The following DDX11 variants were observed in gnomAD, a reference collection of about 807,000 sequenced individuals.
DDX11 encodes the protein DEAD/H-box helicase 11, also known as ATP-dependent DNA helicase DDX11.
A neutral mutation model predicts 125.2 loss-of-function variants in DDX11; 72 were observed. The ratio of observed to expected loss-of-function variants is 0.58; its 90% CI spans 0.48 to 0.70. The LOEUF is 0.70. Ranked by LOEUF, DDX11 falls within the 30% of genes least tolerant of loss-of-function variation. The pLI is 0.00. For synonymous variants in DDX11, 347 were observed against 452.6 expected, an observed-to-expected ratio of 0.77 and a Z score of 2.96; for missense variants, 883 against 1,165.0, an observed-to-expected ratio of 0.76 and a Z score of 3.52.
At chr12:31,094,325 G>A (rs552338746) in intron 12 of DDX11, 7 of 463,880 alleles carry the variant, frequency 1.5e-5, no homozygotes, top group East Asian at 9.1e-5. Context: ...GCTGTGTCCC[G>A]GCCTCCTGGA....
At chr12:31,094,069 C>G (rs1944772595) in intron 12 of DDX11, among the ~76,000 whole-genome samples, 1 of 152,036 alleles carries the variant, frequency 6.6e-6, no homozygotes, top group Admixed American at 6.5e-5. Context: ...GCACGGGAGC[C>G]TGGGATCTTC....
intron 1 of DDX11, among the ~76,000 whole-genome samples, chr12:31,076,019 C>T (rs1940656116): frequency 6.6e-6 from 1 of 152,068 alleles, no homozygotes; most frequent in Non-Finnish European, 1.5e-5. Context: ...GACTCCTTCT[C>T]CAGGCCAAGG....
chr12:31,094,357 T>C (rs1465632822), intron 12 of DDX11: 1 of 561,962 alleles, frequency 1.8e-6, no homozygotes, highest in African/African-American at 1.9e-5. Flanking sequence ...AAACATGAAC[T>C]TACAGGGCTT....
rs1218053914 is a variant in DDX11 at position 31,101,967 on chromosome 12, G to A, written c.2187G>A (p.Leu729=). Residue 729 remains leucine (L), a synonymous_variant, in exon 21 of 27, where the codon CTG becomes CTA. Coordinates refer to ENST00000542838, the MANE Select transcript of DDX11 (RefSeq NM_030653.4). ...HWEKGGLLGR[L]AARKKIFQEP... is the part of the protein sequence containing the mutation. ...AGAAGGGTGGCCTGCTGGGCCGTCT[G>A]GCTGCCAGGAAGAAGGTGAGTGGCC... The A allele has an allele frequency of 1.2e-5, 19 of 1,612,630 alleles. No individual in the cohort carries two copies. The highest frequency in any genetic ancestry group is 1.5e-5 in the Non-Finnish European group (18 of 1,179,628).
chr12:31,084,163 C>T (rs979454360), intron 3 of DDX11, 102 bp downstream of exon 3: 66 of 1,500,856 alleles, frequency 4.4e-5, no homozygotes, highest in Middle Eastern at 3.4e-4. Context: ...GCTCCCCTGC[C>T]GTTGCCGTGC....
At chr12:31,075,037 T>G (rs1940506680) in intron 1 of DDX11, among the ~76,000 whole-genome samples, 1 of 152,194 alleles carries the variant, frequency 6.6e-6, no homozygotes, top group African/African-American at 2.4e-5. Context: ...AGAACTAATA[T>G]GTTCCTGAAG....
At chr12:31,093,454 G>A (rs771245481) in intron 12 of DDX11, 130 bp downstream of exon 12, 23 of 1,251,848 alleles carry the variant, frequency 1.8e-5, no homozygotes, top group South Asian at 3.9e-5. Context: ...GGTGGCTCAC[G>A]CCTGTAATCC....
intron 18 of DDX11, among the ~76,000 whole-genome samples, chr12:31,098,827 C>T (rs1451350650): frequency 6.6e-6 from 1 of 152,174 alleles, no homozygotes; most frequent in African/African-American, 2.4e-5. Context: ...CCCCTTCCTG[C>T]TAGCTCAGGT....
chr12:31,096,313 T>C (rs1334485532), intron 14 of DDX11, 28 bp from the exon 15 acceptor site: 15 of 1,442,788 alleles, frequency 1.0e-5, no homozygotes, highest in Admixed American at 5.4e-5. Flanking sequence ...TTTGCACTCA[T>C]GCCTACAGCT....
At chr12:31,076,013 C>A (rs200108062) in intron 1 of DDX11, among the ~76,000 whole-genome samples, 9,041 of 151,948 alleles carry the variant, frequency 0.06, 454 homozygotes, top group East Asian at 0.16. Context: ...GAGGAGGACT[C>A]CTTCTCCAGG....
chr12:31,088,949 C>T (rs1943655874), intron 6 of DDX11, 95 bp from the exon 7 acceptor site: 1 of 989,734 alleles, frequency 1.0e-6, no homozygotes. Flanking sequence ...ACTCCCTTTC[C>T]CTCAGCCTCT....
At chr12:31,090,320 A>G (rs1383641477) in intron 9 of DDX11, among the ~76,000 whole-genome samples, 1 of 147,628 alleles carries the variant, frequency 6.8e-6, no homozygotes, top group Non-Finnish European at 1.5e-5. Flanking sequence ...GGTATTTAGG[A>G]GCCAGGAAAG....
At chr12:31,081,463 A>G (rs1236239190) in intron 2 of DDX11, among the ~76,000 whole-genome samples, 1 of 152,082 alleles carries the variant, frequency 6.6e-6, no homozygotes, top group Non-Finnish European at 1.5e-5. Context: ...AGGTCTATCA[A>G]GTTGAGTCAC....
chr12:31,083,827 T>A lies in DDX11; in HGVS notation c.159T>A (p.Ser53Arg). Residue 53 changes from serine (S) to arginine (R), a missense_variant, in exon 3 of 27, where the codon AGT (serine) becomes AGA (arginine). Transcript: ENST00000542838. Reference sequence around the variant, plus strand: ...TCTTCCTGCAGGGGAAGTCCTTAAGTCTTATTTGTGGGGCCCTCTCTTGGC... The same window carrying A: ...TCTTCCTGCAGGGGAAGTCCTTAAGACTTATTTGTGGGGCCCTCTCTTGGC... ...ESPTGTGKSL[S>R]LICGALSWLR... is the part of the protein sequence containing the mutation. 1 of 1,612,010 alleles carries A rather than the reference T, an allele frequency of 6.2e-7. No homozygotes were observed. The highest frequency in any genetic ancestry group is 1.7e-5 in the Admixed American group (1 of 60,000).
intron 1 of DDX11, chr12:31,078,108 G>C (rs919355043): frequency 2.0e-6 from 2 of 1,017,686 alleles, no homozygotes. Context: ...CATTAGAAAG[G>C]TATCGGAGCC....
intron 2 of DDX11, among the ~76,000 whole-genome samples, chr12:31,078,976 C>T (rs1267161511): frequency 3.9e-5 from 6 of 152,136 alleles, no homozygotes; most frequent in African/African-American, 1.4e-4. Context: ...CATGAGTCAC[C>T]GTGCCCGGCC....
chr12:31,088,581 T>C (rs1174575117), intron 6 of DDX11, among the ~76,000 whole-genome samples: 3 of 115,842 alleles, frequency 2.6e-5, no homozygotes, highest in African/African-American at 1.2e-4. Flanking sequence ...GTATTTTCTT[T>C]GTATTTTCTT....
chr12:31,096,958 A>G lies in DDX11; in HGVS notation c.1730A>G (p.Asn577Ser), dbSNP rs150142916. ...QGFLAALTTA[N>S]QDGRVILSRQ... ...TTCCTGGCAGCTCTCACTACGGCCA[A>G]CCAGGACGGCAGGGTCATCCTGAGC... The change falls in exon 17 of 27, where the codon AAC (asparagine) becomes AGC (serine). Residue 577 changes from asparagine to serine, a missense_variant. Coordinates refer to ENST00000542838, the MANE Select transcript of DDX11 (RefSeq NM_030653.4). The G allele has an allele frequency of 3.9e-4, 634 of 1,613,956 alleles. 1 individual carries two copies. The highest frequency in any genetic ancestry group is 5.1e-4 in the Non-Finnish European group (605 of 1,179,964).
At chr12:31,097,451 G>C (rs1440123143) in intron 17 of DDX11, among the ~76,000 whole-genome samples, 2 of 150,468 alleles carry the variant, frequency 1.3e-5, no homozygotes, top group African/African-American at 2.5e-5. Flanking sequence ...AGGCTGAGGG[G>C]GGGCGGATCG....
Sources: gnomAD v4.1 joint callset for allele counts (sites outside exome capture counted in the v4.1 genomes callset) on GRCh38, gnomAD v4.1.1 for gene constraint, MANE v1.5 for transcripts, NCBI Gene and HGNC (gene_info 2026-07-23, HGNC 2026-07-21) for gene names.